CBL: variants seen among roughly 807,000 people sequenced by gnomAD.
CBL encodes E3 ubiquitin-protein ligase CBL.
Under a neutral mutation model 96.9 loss-of-function variants are expected in CBL, and 45 were observed. That is an observed-to-expected ratio of 0.46 (90% CI 0.37 to 0.60). The LOEUF (loss-of-function observed/expected upper bound fraction) is 0.60. CBL is among the 20% of genes least tolerant of loss of function. The pLI, the probability that CBL is intolerant of heterozygous loss-of-function variation, is 0.00. For missense variants in CBL, 1,024 were observed against 1,143.5 expected (o/e 0.90, Z 1.51); for synonymous variants, 420 against 426.8 (o/e 0.98, Z 0.20).
intron 2 of CBL, among the ~76,000 whole-genome samples, chr11:119,261,140 C>G (rs917489380): frequency 7.2e-5 from 11 of 152,052 alleles, no homozygotes; most frequent in African/African-American, 2.7e-4. Context: ...TCTCGAACTC[C>G]TGACCTCAGG....
At chr11:119,206,786 TG>T (rs1011824604) in intron 1 of CBL, among the ~76,000 whole-genome samples, 174 bp downstream of exon 1, 1 of 14,924 alleles carries the variant, frequency 6.7e-5, no homozygotes, top group African/African-American at 2.6e-4. Flanking sequence ...GCCGGGAGGG[TG>T]GGGGGCGGCG....
At chr11:119,292,206 A>G (rs568030881) in intron 12 of CBL, among the ~76,000 whole-genome samples, 1 of 152,116 alleles carries the variant, frequency 6.6e-6, no homozygotes, top group Admixed American at 6.5e-5. Context: ...AGTTTGGTAA[A>G]GTTTATTTAG....
chr11:119,212,194 G>A (rs1012101588), intron 1 of CBL, among the ~76,000 whole-genome samples: 4 of 151,910 alleles, frequency 2.6e-5, no homozygotes, highest in Non-Finnish European at 4.4e-5. Flanking sequence ...GAGCCACCAC[G>A]CCCAGCCTTT....
chr11:119,268,893 A>C (rs907997432), intron 2 of CBL, among the ~76,000 whole-genome samples: 1 of 152,172 alleles, frequency 6.6e-6, no homozygotes, highest in African/African-American at 2.4e-5. Flanking sequence ...CATCTCATTC[A>C]TTATCCTGCT....
In CBL at chr11:119,307,445, C is replaced by G. The variant is rs1434582332; in HGVS notation, c.*7664C>G. The G allele has an allele frequency of 4.3e-6, 1 of 232,514 alleles. No homozygotes were observed. Among genetic ancestry groups the G allele is most frequent in the African/African-American group, 2.2e-5 (1 of 45,208 alleles). 14.4% of individuals were successfully genotyped at this position (232,514 alleles called of 1,614,324 possible). On this transcript the variant is annotated 3_prime_UTR_variant, in exon 16 of 16. Coordinates refer to ENST00000264033, the MANE Select transcript of CBL (RefSeq NM_005188.4). ...TAGACCTCCTGCCCCCACCCCCCAGCCCCCATCAGATGTGGCTGGCCTTTC... is the reference window on the plus strand; with the variant it reads ...TAGACCTCCTGCCCCCACCCCCCAGGCCCCATCAGATGTGGCTGGCCTTTC...
At chr11:119,223,317 C>T (rs1200948998) in intron 1 of CBL, among the ~76,000 whole-genome samples, 2 of 150,496 alleles carry the variant, frequency 1.3e-5, no homozygotes, top group Admixed American at 6.6e-5. Flanking sequence ...CAGACATGAG[C>T]CACCATGCCT....
rs2135304363 is a variant in CBL, at chr11:119,278,507, C to T, written c.1228-3C>T. 6.2e-7 allele frequency: 1 copy of T among 1,612,004 alleles called. No individual in the cohort carries two copies. The highest frequency in any genetic ancestry group is 8.5e-7 in the Non-Finnish European group (1 of 1,178,064). On this transcript the variant is annotated splice_polypyrimidine_tract_variant and splice_region_variant and intron_variant, in intron 8 of 15. Transcript: ENST00000264033. ...CTGTTACTATCTTTTGCTTCTTCTG[C>T]AGGAATCAGAAGGTCAGGGCTGTCC...
intron 2 of CBL, among the ~76,000 whole-genome samples, chr11:119,260,344 A>G (rs960034298): frequency 5.3e-5 from 8 of 151,630 alleles, no homozygotes; most frequent in Middle Eastern, 3.4e-3. Flanking sequence ...CCTGGGTTCA[A>G]TCAATTCTCC....
At chr11:119,231,485 T>C (rs1313291377) in intron 1 of CBL, among the ~76,000 whole-genome samples, 2 of 151,838 alleles carry the variant, frequency 1.3e-5, no homozygotes, top group Non-Finnish European at 2.9e-5. Context: ...CTGAGGCCAG[T>C]GGATCATGAG....
intron 2 of CBL, among the ~76,000 whole-genome samples, chr11:119,269,712 T>A (rs1949828703): frequency 6.6e-6 from 1 of 152,008 alleles, no homozygotes; most frequent in African/African-American, 2.4e-5. Flanking sequence ...ATAGTACATT[T>A]ATGCCGGGCG....
intron 2 of CBL, among the ~76,000 whole-genome samples, chr11:119,255,404 A>G (rs568283730): frequency 6.6e-5 from 10 of 152,180 alleles, no homozygotes; most frequent in Non-Finnish European, 1.3e-4. Context: ...TAAGATGGAG[A>G]TAAAAAGCTG....
chr11:119,251,521 A>T (rs913155347), intron 2 of CBL, among the ~76,000 whole-genome samples: 2 of 152,278 alleles, frequency 1.3e-5, no homozygotes, highest in East Asian at 3.8e-4. Context: ...CATCATATAA[A>T]GTAGTAAACT....
intron 9 of CBL, among the ~76,000 whole-genome samples, chr11:119,284,165 ATCT>A (rs1565873861): frequency 6.6e-6 from 1 of 151,758 alleles, no homozygotes; most frequent in African/African-American, 2.4e-5. Flanking sequence ...ACCGACTCTC[ATCT>A]TCTTTCTTAC....
At chr11:119,294,796 G>GAAA (rs11415377) in intron 12 of CBL, among the ~76,000 whole-genome samples, 1 of 144,084 alleles carries the variant, frequency 6.9e-6, no homozygotes. Context: ...TCTCAAAAAG[G>GAAA]AAAAAAAAAA....
intron 2 of CBL, among the ~76,000 whole-genome samples, chr11:119,246,655 T>C (rs1485622800): frequency 6.6e-6 from 1 of 152,180 alleles, no homozygotes; most frequent in African/African-American, 2.4e-5. Flanking sequence ...TTTCACCATG[T>C]TGGCCAGGCT....
At chr11:119,210,672 C>T (rs913840716) in intron 1 of CBL, among the ~76,000 whole-genome samples, 2 of 140,320 alleles carry the variant, frequency 1.4e-5, no homozygotes, top group Non-Finnish European at 3.0e-5. Context: ...TGCTCTCGAA[C>T]TCCTGGCCTC....
chr11:119,285,017 C>G lies in CBL; in HGVS notation c.1480C>G (p.Pro494Ala). 1.2e-6 allele frequency: 2 copies of G among 1,614,126 alleles called. No homozygotes were observed. Among genetic ancestry groups the G allele is most frequent in the Non-Finnish European group, 1.7e-6 (2 of 1,179,962 alleles). Residue 494 changes from proline (P) to alanine (A), a missense_variant, in exon 10 of 16, where the codon CCC becomes GCC. Transcript: ENST00000264033. ...PFSMAPQASL[P>A]PVPPRLDLLP... ...CTCCATGGCCCCACAAGCTTCCCTT[C>G]CCCCGGTGCCACCACGACTTGACCT...
chr11:119,211,919 A>AT (rs1042433645), intron 1 of CBL, among the ~76,000 whole-genome samples: 5 of 150,860 alleles, frequency 3.3e-5, no homozygotes, highest in Admixed American at 6.6e-5. Flanking sequence ...TTTTTATTTT[A>AT]TTTTTTTTAT....
At chr11:119,208,291 C>T (rs1204954637) in intron 1 of CBL, among the ~76,000 whole-genome samples, 2 of 152,024 alleles carry the variant, frequency 1.3e-5, no homozygotes, top group Non-Finnish European at 2.9e-5. Flanking sequence ...TAATGAGTGT[C>T]TCGTATCAGA....
Sources: gnomAD v4.1 joint callset for allele counts (sites outside exome capture counted in the v4.1 genomes callset) on GRCh38, gnomAD v4.1.1 for gene constraint, MANE v1.5 for transcripts, NCBI Gene and HGNC (gene_info 2026-07-23, HGNC 2026-07-21) for gene names.